The following IKBIP variants were observed in gnomAD, a reference collection of about 807,000 sequenced individuals.
IKBIP encodes the protein inhibitor of nuclear factor kappa-B kinase-interacting protein.
A neutral mutation model predicts 31.0 loss-of-function variants in IKBIP; 28 were observed. The ratio of observed to expected loss-of-function variants is 0.90; its 90% confidence interval spans 0.67 to 1.24. The LOEUF is 1.24. IKBIP is among the 50% of genes most tolerant of loss of function. The pLI, the probability that IKBIP is intolerant of heterozygous loss-of-function variation, is 0.00. For synonymous variants in IKBIP, 164 were observed against 160.3 expected (o/e 1.02, Z -0.17); for missense variants, 453 against 441.9 (o/e 1.03, Z -0.23).
chr12:98,628,318 A>C (rs1413084700), intron 2 of IKBIP, among the ~76,000 whole-genome samples: 1 of 152,264 alleles, frequency 6.6e-6, no homozygotes, highest in East Asian at 1.9e-4. Context: ...ATCTGCTTCC[A>C]GTTGCTTGCT....
At chr12:98,628,895 C>G (rs2153297932) in intron 2 of IKBIP, among the ~76,000 whole-genome samples, 1 of 152,216 alleles carries the variant, frequency 6.6e-6, no homozygotes, top group South Asian at 2.1e-4. Context: ...CCAAAAAAAT[C>G]ACAGTAGATT....
chr12:98,639,557 A>G (rs2097628633), intron 1 of IKBIP, among the ~76,000 whole-genome samples: 1 of 152,208 alleles, frequency 6.6e-6, no homozygotes, highest in Non-Finnish European at 1.5e-5. Context: ...GAGCCATTGC[A>G]GTCTATAGAG....
At chr12:98,620,199 G>A (rs2097609065), downstream of IKBIP, among the ~76,000 whole-genome samples, 1 of 150,806 alleles carries the variant, frequency 6.6e-6, no homozygotes, top group African/African-American at 2.4e-5. Context: ...GGGATTACAG[G>A]CATGAGCCAC....
At chr12:98,633,850 T>C (rs1276884205) in intron 2 of IKBIP, among the ~76,000 whole-genome samples, 1 of 152,146 alleles carries the variant, frequency 6.6e-6, no homozygotes, top group African/African-American at 2.4e-5. Context: ...TGTACATATA[T>C]CCTTAAAAAG....
chr12:98,642,164 A>G (rs1049767645), intron 1 of IKBIP, among the ~76,000 whole-genome samples: 1 of 152,172 alleles, frequency 6.6e-6, no homozygotes, highest in African/African-American at 2.4e-5. Context: ...CAAAACACAA[A>G]AGGTTACTTA....
chr12:98,615,704 A>G (rs534809082), intron 2 of IKBIP, among the ~76,000 whole-genome samples: 1 of 152,238 alleles, frequency 6.6e-6, no homozygotes, highest in African/African-American at 2.4e-5. Context: ...CTGTACTTCT[A>G]TGAGTCTGAC....
At chr12:98,643,908 C>T (rs1424686794) in intron 1 of IKBIP, among the ~76,000 whole-genome samples, 1 of 150,458 alleles carries the variant, frequency 6.6e-6, no homozygotes, top group African/African-American at 2.4e-5. Flanking sequence ...CTCCGCCTCC[C>T]GGGTTCAAGC....
chr12:98,626,155 C>G lies in IKBIP; in HGVS notation c.909G>C (p.Gln303His). ...TEKKMEDLTMQMFNMEDDMLK... is the reference protein window; with the variant it reads ...TEKKMEDLTMHMFNMEDDMLK... Reference sequence around the variant, plus strand: ...GCATATCATCTTCCATATTAAACATCTGCATAGTCAAGTCTTCCATTTTCT... The same window carrying G: ...GCATATCATCTTCCATATTAAACATGTGCATAGTCAAGTCTTCCATTTTCT... The change falls in exon 3 of 3, where the codon CAG becomes CAC. Residue 303 changes from glutamine (Q) to histidine (H), a missense_variant. Physicochemically the swap from Gln to His is conservative, Grantham distance 24. Transcript: ENST00000299157. 1.9e-6 allele frequency: 3 copies of G among 1,612,984 alleles called. No individual in the cohort carries two copies. In the African/African-American group the frequency reaches 4.0e-5, roughly 21 times the overall value.
At position 98,644,714 on chromosome 12, in the gene IKBIP, T is replaced by C; in HGVS notation, c.-13A>G. Reference sequence around the variant, plus strand: ...TCACCTCAGACATGTCTGGAGACCCTAGGACGACAAGCCCAGGGCAGCTTC... The same window carrying C: ...TCACCTCAGACATGTCTGGAGACCCCAGGACGACAAGCCCAGGGCAGCTTC... On this transcript the variant is annotated 5_prime_UTR_variant, in exon 1 of 3. Transcript: ENST00000299157. The C allele has an allele frequency of 6.3e-7, 1 of 1,598,686 alleles. No homozygotes were observed. The highest frequency in any genetic ancestry group is 1.7e-4 in the Middle Eastern group (1 of 5,998).
At position 98,624,375 on chromosome 12, in the gene IKBIP, T is replaced by C. The variant is rs1360465532; in HGVS notation, c.*1555A>G. 5 of 985,238 alleles carry C rather than the reference T, an allele frequency of 5.1e-6. No individual in the cohort carries two copies. Among genetic ancestry groups the C allele is most frequent in the Non-Finnish European group, 6.0e-6 (5 of 829,866 alleles). 61.0% of individuals were successfully genotyped at this position (985,238 alleles called of 1,614,324 possible). A position where few individuals can be genotyped will look rare whatever the true frequency, so the allele number is the denominator to read the frequency against. ...TTTAAGACTGCAAAAATTAATGCTATGCCCCTTAATAACAGAACTCTCCAG... is the reference window on the plus strand; with the variant it reads ...TTTAAGACTGCAAAAATTAATGCTACGCCCCTTAATAACAGAACTCTCCAG... On this transcript the variant is annotated 3_prime_UTR_variant, in exon 3 of 3. Transcript: ENST00000299157.
intron 1 of IKBIP, among the ~76,000 whole-genome samples, chr12:98,640,885 C>G (rs2097629793): frequency 6.6e-6 from 1 of 152,114 alleles, no homozygotes; most frequent in Non-Finnish European, 1.5e-5. Context: ...CCTCAACCCC[C>G]CAAGTAGCTG....
At chr12:98,627,390 C>T (rs2097615563) in intron 2 of IKBIP, among the ~76,000 whole-genome samples, 1 of 151,362 alleles carries the variant, frequency 6.6e-6, no homozygotes, top group East Asian at 1.9e-4. Flanking sequence ...GATGCAATTT[C>T]CTCCTTTTAA....
Position 98,633,510 on chromosome 12 carries a change from C to CTTTTTTTT in IKBIP, c.297+778_297+785dup, listed in dbSNP as rs71432181. Reference sequence around the variant, plus strand: ...GCTAGCCGTTCTTTTTTTTTTAATTCTTTTTTTTTTTTTTTTTTTTTTTTG... The same window carrying CTTTTTTTT: ...GCTAGCCGTTCTTTTTTTTTTAATTCTTTTTTTTTTTTTTTTTTTTTTTTTTTTTTTTG... On this transcript the variant is annotated intron_variant, in intron 2 of 2. Coordinates refer to ENST00000299157, the MANE Select transcript of IKBIP (RefSeq NM_153687.4). Among the ~76,000 whole-genome samples, 97 of 61,392 alleles carry CTTTTTTTT rather than the reference C, an allele frequency of 1.6e-3. 4 individuals carry two copies. Among genetic ancestry groups the CTTTTTTTT allele is most frequent in the East Asian group, 4.2e-3 (7 of 1,658 alleles). 40.3% of individuals were successfully genotyped at this position (61,392 alleles called of 152,430 possible).
chr12:98,629,925 C>A (rs1262549384), intron 2 of IKBIP, among the ~76,000 whole-genome samples: 1 of 152,124 alleles, frequency 6.6e-6, no homozygotes, highest in Non-Finnish European at 1.5e-5. Context: ...AATCGTTTTT[C>A]ATTTTTATTT....
chr12:98,624,402 C>T lies in IKBIP; in HGVS notation c.*1528G>A, dbSNP rs2097612383. ...CCCCTTAATAACAGAACTCTCCAGG[C>T]TTATTTTCATGATTCACGCTGTCTA... On this transcript the variant is annotated 3_prime_UTR_variant, in exon 3 of 3. Coordinates refer to ENST00000299157, the MANE Select transcript of IKBIP (RefSeq NM_153687.4). The T allele has an allele frequency of 1.0e-6, 1 of 985,384 alleles. No homozygotes were observed. 61.0% of individuals were successfully genotyped at this position (985,384 alleles called of 1,614,324 possible). A position where few individuals can be genotyped will look rare whatever the true frequency, so the allele number is the denominator to read the frequency against.
intron 2 of IKBIP, among the ~76,000 whole-genome samples, chr12:98,618,401 C>A (rs544866791): frequency 6.7e-6 from 1 of 149,744 alleles, no homozygotes; most frequent in East Asian, 2.1e-4. Context: ...CCGAGGTGGG[C>A]GGATCACAAG....
chr12:98,614,104 A>G, exon 3 of IKBIP: 2 of 1,613,190 alleles, frequency 1.2e-6, no homozygotes, highest in Non-Finnish European at 1.7e-6. Context: ...TCCGTCGTAT[A>G]TCTGTTTTTA....
rs1370967707 is a variant in IKBIP at position 98,634,328 on chromosome 12, G to A, written c.265C>T (p.Leu89Phe). 3.1e-6 allele frequency: 5 copies of A among 1,590,086 alleles called. No homozygotes were observed. Among genetic ancestry groups the A allele is most frequent in the South Asian group, 2.2e-5 (2 of 90,012 alleles). Residue 89 changes from leucine to phenylalanine, a missense_variant, in exon 2 of 3, where the codon CTT becomes TTT. Leu to Phe is a conservative substitution (Grantham distance 22). Transcript: ENST00000299157. ...GAAATTAAACTGATTTTACTTTGAA[G>A]TTGTTGGAATTCATTGGTTTCTAGT... ...LKLETNEFQQLQSKISLISEK... is the reference protein window; with the variant it reads ...LKLETNEFQQFQSKISLISEK...
chr12:98,642,263 G>C (rs1382087787), intron 1 of IKBIP, among the ~76,000 whole-genome samples: 2 of 152,190 alleles, frequency 1.3e-5, no homozygotes, highest in Non-Finnish European at 2.9e-5. Context: ...CCAGGTTCAA[G>C]TGATTCTCCT....
Sources: allele counts gnomAD v4.1 joint callset (sites outside exome capture counted in the v4.1 genomes callset), GRCh38; gene constraint gnomAD v4.1.1; transcripts MANE v1.5; gene names NCBI Gene and HGNC (gene_info 2026-07-23, HGNC 2026-07-21).